The following COL27A1 variants were observed in gnomAD, a reference collection of about 807,000 sequenced individuals.
COL27A1 encodes collagen alpha-1(XXVII) chain.
In COL27A1, 106 loss-of-function variants were observed where a neutral mutation model predicts 251.3. That is an observed-to-expected ratio of 0.42 (90% CI 0.36 to 0.50). The LOEUF is 0.50. Ranked by LOEUF, COL27A1 falls within the 20% of genes least tolerant of loss-of-function variation. The probability of loss-of-function intolerance (pLI) is 0.00; values close to 1 mark genes in which losing one functional copy is unlikely to be tolerated. For synonymous variants in COL27A1, 1,000 were observed against 986.3 expected (o/e 1.01, Z -0.26); for missense variants, 2,325 against 2,522.8 (o/e 0.92, Z 1.68).
At chr9:114,287,590 C>A (rs1160181041) in intron 41 of COL27A1, among the ~76,000 whole-genome samples, 1 of 152,190 alleles carries the variant, frequency 6.6e-6, no homozygotes, top group Non-Finnish European at 1.5e-5. Context: ...TTAACGCCAT[C>A]TGCTGAGCCC....
chr9:114,191,892 G>A (rs1828774683), intron 5 of COL27A1, among the ~76,000 whole-genome samples: 1 of 151,682 alleles, frequency 6.6e-6, no homozygotes, highest in Admixed American at 6.5e-5. Context: ...GTTAATATGT[G>A]TCCAGGGCTT....
chr9:114,299,615 G>A (rs1828479209), intron 49 of COL27A1, among the ~76,000 whole-genome samples: 1 of 152,238 alleles, frequency 6.6e-6, no homozygotes, highest in South Asian at 2.1e-4. Context: ...GATATGGTGT[G>A]TCCCTGGGTT....
At chr9:114,242,556 G>T (rs892062690) in intron 22 of COL27A1, among the ~76,000 whole-genome samples, 3 of 152,266 alleles carry the variant, frequency 2.0e-5, no homozygotes, top group African/African-American at 7.2e-5. Context: ...CAGCCAGGCA[G>T]TGGGGACGCC....
Position 114,290,964 on chromosome 9 carries a change from T to C in COL27A1, c.4476+47T>C, listed in dbSNP as rs1285788149. Reference sequence around the variant, plus strand: ...TTACCCACCCTCTGCCCTTTCTGCCTTGATGCAGACTCTAGTGGTTCCGAC... The same window carrying C: ...TTACCCACCCTCTGCCCTTTCTGCCCTGATGCAGACTCTAGTGGTTCCGAC... On this transcript the variant is annotated intron_variant, in intron 48 of 60. Coordinates refer to ENST00000356083, the MANE Select transcript of COL27A1 (RefSeq NM_032888.4). This position sits in a 1 kb window ranked among gnomAD's most constrained non-coding sequence, Gnocchi z 4.6. 7.1e-7 allele frequency: 1 copy of C among 1,412,676 alleles called. No individual in the cohort carries two copies. The highest frequency in any genetic ancestry group is 1.3e-5 in the South Asian group (1 of 78,506). 87.5% of individuals were successfully genotyped at this position (1,412,676 alleles called of 1,614,324 possible).
chr9:114,211,931 G>A (rs1484444369), intron 12 of COL27A1, among the ~76,000 whole-genome samples: 1 of 152,182 alleles, frequency 6.6e-6, no homozygotes, highest in African/African-American at 2.4e-5. Context: ...ACCAAGTCTG[G>A]GCCTCCCATC....
At chr9:114,166,856 T>A (rs1848920726) in intron 2 of COL27A1, among the ~76,000 whole-genome samples, 1 of 152,212 alleles carries the variant, frequency 6.6e-6, no homozygotes, top group African/African-American at 2.4e-5. Flanking sequence ...CAGTCAGATA[T>A]CCATACGCTT....
chr9:114,173,934 A>G (rs902629027), intron 3 of COL27A1, among the ~76,000 whole-genome samples: 3 of 151,540 alleles, frequency 2.0e-5, no homozygotes, highest in African/African-American at 7.3e-5. Context: ...TAAGAGTGTC[A>G]TGACACATGT....
chr9:114,243,391 C>A, intron 22 of COL27A1, 116 bp from the exon 23 acceptor site: 1 of 819,286 alleles, frequency 1.2e-6, no homozygotes, highest in Non-Finnish European at 2.1e-6. Context: ...CCCTGTCCAC[C>A]AGGGTATGTG....
intron 1 of COL27A1, among the ~76,000 whole-genome samples, chr9:114,160,894 G>A (rs1046393911): frequency 6.6e-6 from 1 of 152,184 alleles, no homozygotes. Context: ...CATGATGGGA[G>A]TAGCATGTGC....
chr9:114,283,057 C>T (rs1281750756), intron 39 of COL27A1, among the ~76,000 whole-genome samples: 1 of 152,170 alleles, frequency 6.6e-6, no homozygotes, highest in African/African-American at 2.4e-5. Context: ...GATGAAGACC[C>T]CAGGGGGAAG....
intron 1 of COL27A1, among the ~76,000 whole-genome samples, chr9:114,158,110 C>A (rs562734871): frequency 6.6e-6 from 1 of 152,282 alleles, no homozygotes; most frequent in South Asian, 2.1e-4. Flanking sequence ...GGGGTCTGGC[C>A]AGTCCATGGA....
At chr9:114,282,363 G>A (rs1356071079) in intron 38 of COL27A1, 33 bp downstream of exon 38, 45 of 1,613,124 alleles carry the variant, frequency 2.8e-5, no homozygotes, top group Middle Eastern at 1.6e-4. Context: ...ATAGGCCTGC[G>A]TCCCTCCCCC....
intron 3 of COL27A1, among the ~76,000 whole-genome samples, chr9:114,172,727 G>A (rs1415950966): frequency 1.3e-5 from 2 of 152,158 alleles, no homozygotes; most frequent in Non-Finnish European, 2.9e-5. Flanking sequence ...CTGGGAAGTG[G>A]AGGTTGTGAT....
chr9:114,161,360 C>CG (rs1564408364), intron 1 of COL27A1, among the ~76,000 whole-genome samples: 2 of 152,104 alleles, frequency 1.3e-5, no homozygotes, highest in African/African-American at 4.8e-5. Context: ...ATGAAATTCT[C>CG]GGGATCAACT....
intron 1 of COL27A1, among the ~76,000 whole-genome samples, chr9:114,160,150 A>C (rs1429085043): frequency 1.4e-5 from 2 of 140,190 alleles, no homozygotes; most frequent in Non-Finnish European, 3.1e-5. Context: ...CACTTTTTAA[A>C]GTCTATTTTT....
At chr9:114,184,974 C>T (rs1386912063) in intron 5 of COL27A1, among the ~76,000 whole-genome samples, 1 of 152,204 alleles carries the variant, frequency 6.6e-6, no homozygotes, top group African/African-American at 2.4e-5. Context: ...CTCCCACCCC[C>T]AGACTCACTC....
chr9:114,250,251 C>A (rs1833439138), intron 24 of COL27A1, among the ~76,000 whole-genome samples: 1 of 152,228 alleles, frequency 6.6e-6, no homozygotes, highest in African/African-American at 2.4e-5. Context: ...AGCCCCAGAG[C>A]CCCGAAAGAT....
In COL27A1 at chr9:114,301,708, C is replaced by T. The variant is rs142505089; in HGVS notation, c.4836C>T (p.Pro1612=). ...PRGPPGPRGR[P]GPPGPPGGPI... ...GTCCTCCCGGCCCCAGAGGGCGGCC[C>T]GGCCCCCCGGTAGGTAACTGAGTGC... is the stretch of plus-strand genomic sequence containing the variant. Residue 1612 remains proline, a synonymous_variant, in exon 55 of 61, where the codon CCC becomes CCT. Transcript: ENST00000356083. The T allele has an allele frequency of 1.9e-4, 302 of 1,612,082 alleles. No homozygotes were observed. The highest frequency in any genetic ancestry group is 1.6e-3 in the Admixed American group (93 of 59,798).
intron 41 of COL27A1, among the ~76,000 whole-genome samples, chr9:114,286,595 G>T (rs1039777411): frequency 6.6e-6 from 1 of 152,206 alleles, no homozygotes; most frequent in Non-Finnish European, 1.5e-5. Context: ...GGGCAGGGAA[G>T]TATCCTACCA....
Sources: gnomAD v4.1 joint callset for allele counts (sites outside exome capture counted in the v4.1 genomes callset) on GRCh38, gnomAD v4.1.1 for gene constraint, Gnocchi (gnomAD v3.1) non-coding constraint, MANE v1.5 for transcripts, NCBI Gene and HGNC (gene_info 2026-07-23, HGNC 2026-07-21) for gene names.